The following ERICH1 variants were observed in gnomAD, a reference collection of about 807,000 sequenced individuals.
ERICH1 encodes the protein glutamate-rich protein 1.
A neutral mutation model predicts 39.6 loss-of-function variants in ERICH1; 56 were observed. That is an observed-to-expected ratio of 1.41 (90% CI 1.14 to 1.77). The LOEUF (loss-of-function observed/expected upper bound fraction) is 1.77. Among genes scored for constraint, ERICH1 ranks in the 40% most tolerant of loss-of-function variants. The pLI is 0.00. For synonymous variants in ERICH1, 313 were observed against 223.6 expected, an observed-to-expected ratio of 1.40 and a Z score of -3.57; for missense variants, 826 against 575.4, an observed-to-expected ratio of 1.44 and a Z score of -4.45.
At chr8:625,072 G>A (rs986866053) in intron 3 of ERICH1, among the ~76,000 whole-genome samples, 1 of 152,106 alleles carries the variant, frequency 6.6e-6, no homozygotes, top group African/African-American at 2.4e-5. Context: ...ACTGCCACAA[G>A]AACAGCGAGG....
At position 664,256 on chromosome 8, in the gene ERICH1, G is replaced by A. The variant is rs1801854426; in HGVS notation, c.*347C>T. ...AGCATTCTTAAAGCAGAGACTTTCA[G>A]ATACAAGGTGATTCAAAACTTCATA... is the stretch of plus-strand genomic sequence containing the variant. On this transcript the variant is annotated 3_prime_UTR_variant, in exon 6 of 6. Transcript: ENST00000262109. 2.1e-5 allele frequency: 21 copies of A among 1,003,108 alleles called. No homozygotes were observed. The South Asian group carries it at 9.6e-4, about 46-fold the overall frequency. 62.1% of individuals were successfully genotyped at this position (1,003,108 alleles called of 1,614,324 possible).
At chr8:720,815 C>G (rs1402298594) in intron 1 of ERICH1, among the ~76,000 whole-genome samples, 1 of 152,208 alleles carries the variant, frequency 6.6e-6, no homozygotes, top group East Asian at 1.9e-4. Context: ...AGGAAAACGT[C>G]TTTCCCAGTG....
chr8:652,094 C>A (rs955343919), intron 3 of ERICH1, among the ~76,000 whole-genome samples: 1 of 152,156 alleles, frequency 6.6e-6, no homozygotes, highest in African/African-American at 2.4e-5. Context: ...GGTTTACCAC[C>A]GACGGCTCTG....
chr8:620,879 G>A (rs1383447707), intron 3 of ERICH1, among the ~76,000 whole-genome samples: 1 of 151,776 alleles, frequency 6.6e-6, no homozygotes, highest in African/African-American at 2.4e-5. Flanking sequence ...GAATGAATAG[G>A]CAGAAGATCC....
At chr8:708,681 G>GTTTTTTGTTTTTTGTT in intron 2 of ERICH1, among the ~76,000 whole-genome samples, 1 of 65,816 alleles carries the variant, frequency 1.5e-5, no homozygotes, top group Non-Finnish European at 3.0e-5. Context: ...GGGATAATGA[G>GTTTTTTGTTTTTTGTT]TTTTTTTTTT....
At chr8:668,147 CCAG>C (rs1467797757) in intron 5 of ERICH1, 1 of 251,064 alleles carries the variant, frequency 4.0e-6, no homozygotes, top group Non-Finnish European at 7.8e-6. Flanking sequence ...CACAGCTGCT[CCAG>C]CACACAACAG....
chr8:725,658 G>C (rs1025374259), intron 1 of ERICH1: 1 of 152,976 alleles, frequency 6.5e-6, no homozygotes, highest in Non-Finnish European at 1.5e-5. Flanking sequence ...TCCAGCCGTC[G>C]CAGTACCGCA....
At chr8:715,809 C>T (rs1033432369) in intron 2 of ERICH1, 52 bp downstream of exon 2, 33 of 1,571,020 alleles carry the variant, frequency 2.1e-5, no homozygotes, top group African/African-American at 9.5e-5. Flanking sequence ...GTGATGATGA[C>T]GGAGGTTAAC....
downstream of ERICH1, among the ~76,000 whole-genome samples, chr8:662,104 G>A (rs1415902498): frequency 2.0e-5 from 3 of 151,816 alleles, no homozygotes; most frequent in Admixed American, 2.0e-4. Flanking sequence ...GGAACCTACA[G>A]GGATTCTGTG....
In ERICH1 at chr8:673,639, C is replaced by A; in HGVS notation, c.713G>T (p.Ser238Ile). The A allele has an allele frequency of 6.2e-7, 1 of 1,610,058 alleles. No homozygotes were observed. Among genetic ancestry groups the A allele is most frequent in the Non-Finnish European group, 8.5e-7 (1 of 1,177,492 alleles). The change falls in exon 4 of 6, where the codon AGC (serine) becomes ATC (isoleucine). Residue 238 changes from serine to isoleucine, a missense_variant. Coordinates refer to ENST00000262109, the MANE Select transcript of ERICH1 (RefSeq NM_207332.3). ...CCTGGCCCGTGTCAGGTCTTCCTCGCTAGCGTCCGCACCATCTTCCTCCCT... is the reference window on the plus strand; with the variant it reads ...CCTGGCCCGTGTCAGGTCTTCCTCGATAGCGTCCGCACCATCTTCCTCCCT... ...DTREEDGADA[S>I]EEDLTRARQE...
At chr8:632,012 C>A (rs1798070114) in intron 3 of ERICH1, among the ~76,000 whole-genome samples, 1 of 152,146 alleles carries the variant, frequency 6.6e-6, no homozygotes, top group South Asian at 2.1e-4. Flanking sequence ...TTAGAACTCC[C>A]AAAGCACCAC....
At chr8:713,204 T>G (rs191261221) in intron 2 of ERICH1, among the ~76,000 whole-genome samples, 141 of 152,330 alleles carry the variant, frequency 9.3e-4, no homozygotes, top group African/African-American at 3.4e-3. Context: ...TTAATCAACT[T>G]TAGGACCCCA....
intron 3 of ERICH1, among the ~76,000 whole-genome samples, chr8:645,059 G>A (rs745476836): frequency 1.4e-5 from 1 of 69,202 alleles, no homozygotes; most frequent in African/African-American, 3.6e-5. Context: ...TTTTATCAAA[G>A]GCCTGAGTCA....
intron 3 of ERICH1, among the ~76,000 whole-genome samples, chr8:617,819 G>T (rs1797020676): frequency 1.3e-5 from 2 of 149,430 alleles, no homozygotes; most frequent in African/African-American, 5.0e-5. Flanking sequence ...TCACTACTCA[G>T]TGTTCCATCT....
chr8:704,796 T>G (rs10092924), intron 2 of ERICH1, among the ~76,000 whole-genome samples: 61,476 of 151,816 alleles, frequency 0.4, 15,091 homozygotes, highest in Non-Finnish European at 0.55. Flanking sequence ...GAAGCAACAG[T>G]GTAAGTGCGT....
At chr8:652,967 A>G (rs1800162247) in intron 3 of ERICH1, among the ~76,000 whole-genome samples, 1 of 152,236 alleles carries the variant, frequency 6.6e-6, no homozygotes, top group African/African-American at 2.4e-5. Flanking sequence ...GGAGAGGATG[A>G]GGAGGAATGA....
chr8:664,561 T>G lies in ERICH1; in HGVS notation c.*42A>C. On this transcript the variant is annotated 3_prime_UTR_variant, in exon 6 of 6. Transcript: ENST00000262109. ...CCCATCTCACATTTGTCTTTTAAGT[T>G]TTTTTGTTAAAGAGGAGCTGTTCTT... The G allele has an allele frequency of 6.3e-7, 1 of 1,576,828 alleles. No individual in the cohort carries two copies. Among genetic ancestry groups the G allele is most frequent in the South Asian group, 1.2e-5 (1 of 83,902 alleles).
intron 3 of ERICH1, chr8:626,704 G>GAT: frequency 5.8e-6 from 1 of 173,366 alleles, no homozygotes. Flanking sequence ...GGGTGTTCCA[G>GAT]CTGGCGTCTG....
chr8:722,030 C>T (rs552049861), intron 1 of ERICH1, among the ~76,000 whole-genome samples: 2 of 152,086 alleles, frequency 1.3e-5, no homozygotes, highest in East Asian at 3.9e-4. Context: ...GCTGCATGGC[C>T]CAAATGAAAA....
Sources: gnomAD v4.1 joint callset for allele counts (sites outside exome capture counted in the v4.1 genomes callset) on GRCh38, gnomAD v4.1.1 for gene constraint, MANE v1.5 for transcripts, NCBI Gene and HGNC (gene_info 2026-07-23, HGNC 2026-07-21) for gene names.